Variants in LRMDA observed in about 807,000 individuals in gnomAD.
LRMDA encodes the protein leucine-rich melanocyte differentiation-associated protein.
Under a neutral mutation model 29.8 loss-of-function variants are expected in LRMDA, and 18 were observed. The ratio of observed to expected loss-of-function variants is 0.60; its 90% CI spans 0.42 to 0.90. The LOEUF is 0.90. LRMDA is among the 40% of genes least tolerant of loss of function. LRMDA has a pLI of 0.00. For missense variants in LRMDA, 273 were observed against 273.9 expected (o/e 1.00, Z 0.02); for synonymous variants, 125 against 109.4 (o/e 1.14, Z -0.89).
At chr10:75,551,119 G>T (rs1299724441) in intron 2 of LRMDA, among the ~76,000 whole-genome samples, 1 of 146,590 alleles carries the variant, frequency 6.8e-6, no homozygotes, top group African/African-American at 2.5e-5. Flanking sequence ...ATATTTTCTA[G>T]TTTAATCTAT....
intron 6 of LRMDA, among the ~76,000 whole-genome samples, chr10:76,432,838 G>A (rs556488304): frequency 6.2e-4 from 95 of 152,274 alleles, no homozygotes; most frequent in African/African-American, 2.0e-3. Context: ...CACGGGCCGA[G>A]GGCTCACCTC....
intron 5 of LRMDA, among the ~76,000 whole-genome samples, chr10:76,106,756 A>G (rs1849491956): frequency 6.6e-6 from 1 of 152,190 alleles, no homozygotes; most frequent in Non-Finnish European, 1.5e-5. Context: ...TCAGGTCTCT[A>G]TTACATCTTC....
chr10:76,062,136 G>A (rs531440185), intron 5 of LRMDA, among the ~76,000 whole-genome samples: 1 of 152,272 alleles, frequency 6.6e-6, no homozygotes, highest in African/African-American at 2.4e-5. Flanking sequence ...CTGCTGTGCT[G>A]AGCACACTCA....
intron 6 of LRMDA, among the ~76,000 whole-genome samples, chr10:76,408,724 C>T (rs1329597989): frequency 1.3e-5 from 2 of 152,132 alleles, no homozygotes; most frequent in African/African-American, 2.4e-5. Flanking sequence ...TCTTTCTCCT[C>T]CAAAGCCGCA....
chr10:75,962,897 T>C (rs1846793438), intron 2 of LRMDA, among the ~76,000 whole-genome samples: 1 of 152,224 alleles, frequency 6.6e-6, no homozygotes, highest in Non-Finnish European at 1.5e-5. Context: ...GCCAGCGAGA[T>C]GGCTTGGCCC....
chr10:76,065,144 G>T (rs925305021), intron 5 of LRMDA, among the ~76,000 whole-genome samples: 7 of 152,192 alleles, frequency 4.6e-5, no homozygotes, highest in Non-Finnish European at 1.0e-4. Flanking sequence ...CAGTTTGCAC[G>T]TTCATTTGAG....
At chr10:76,244,420 C>T (rs1214323107) in intron 5 of LRMDA, among the ~76,000 whole-genome samples, 1 of 152,188 alleles carries the variant, frequency 6.6e-6, no homozygotes, top group African/African-American at 2.4e-5. Context: ...TTCCATTCTT[C>T]AGGAGCTGTT....
At chr10:76,545,650 AT>A (rs1027291796) in intron 6 of LRMDA, among the ~76,000 whole-genome samples, 4 of 138,738 alleles carry the variant, frequency 2.9e-5, no homozygotes, top group African/African-American at 1.1e-4. Flanking sequence ...TATTATTATT[AT>A]TATTATTATT....
At chr10:75,905,077 AAGTTGTAAATTCTGGTAGCCTTC>A (rs1845736777) in intron 2 of LRMDA, among the ~76,000 whole-genome samples, 1 of 152,186 alleles carries the variant, frequency 6.6e-6, no homozygotes, top group Non-Finnish European at 1.5e-5. Flanking sequence ...ACAATTTCAC[AAGTTGTAAATTCTGGTAGCCTTC>A]AGTTGTAAAT....
chr10:76,071,631 C>G (rs1321315025), intron 5 of LRMDA, among the ~76,000 whole-genome samples: 3 of 152,208 alleles, frequency 2.0e-5, no homozygotes, highest in African/African-American at 4.8e-5. Flanking sequence ...TTTGCTTTCC[C>G]TCCCCTCTTC....
intron 6 of LRMDA, among the ~76,000 whole-genome samples, chr10:76,487,709 T>C (rs1842796265): frequency 6.6e-6 from 1 of 151,838 alleles, no homozygotes; most frequent in South Asian, 2.1e-4. Flanking sequence ...AAAGCTAACT[T>C]GGATTGAGCT....
chr10:75,738,768 T>C (rs1250213305), intron 2 of LRMDA, among the ~76,000 whole-genome samples: 1 of 152,184 alleles, frequency 6.6e-6, no homozygotes, highest in Non-Finnish European at 1.5e-5. Context: ...GGGAGCATTT[T>C]TGTCTGCATT....
intron 4 of LRMDA, among the ~76,000 whole-genome samples, chr10:76,052,610 G>A (rs754295625): frequency 5.3e-5 from 8 of 152,192 alleles, no homozygotes; most frequent in African/African-American, 1.2e-4. Flanking sequence ...TCCTCCTAGC[G>A]GTTTTAGCTC....
chr10:75,478,023 G>A (rs1453573855), intron 2 of LRMDA, among the ~76,000 whole-genome samples: 2 of 152,168 alleles, frequency 1.3e-5, no homozygotes, highest in African/African-American at 4.8e-5. Context: ...CGTGGCCCCC[G>A]AGGCACAGCC....
chr10:76,125,759 C>T (rs528465254), intron 5 of LRMDA, among the ~76,000 whole-genome samples: 1 of 152,274 alleles, frequency 6.6e-6, no homozygotes, highest in Non-Finnish European at 1.5e-5. Context: ...TTCAAGCAAG[C>T]CATCCCAAGA....
intron 2 of LRMDA, among the ~76,000 whole-genome samples, chr10:75,469,587 C>T (rs1400335813): frequency 5.3e-5 from 8 of 150,906 alleles, no homozygotes; most frequent in South Asian, 2.1e-4. Context: ...AGTGTATGTG[C>T]GTGTGTGTGT....
intron 2 of LRMDA, among the ~76,000 whole-genome samples, chr10:75,846,736 A>C (rs1197718097): frequency 6.6e-6 from 1 of 152,192 alleles, no homozygotes; most frequent in Non-Finnish European, 1.5e-5. Flanking sequence ...CCCACCACCA[A>C]CAAAAACCAA....
At chr10:75,881,164 T>C (rs1236865908) in intron 2 of LRMDA, among the ~76,000 whole-genome samples, 1 of 152,166 alleles carries the variant, frequency 6.6e-6, no homozygotes, top group Non-Finnish European at 1.5e-5. Context: ...TATGTATGGA[T>C]ACACATACAT....
intron 2 of LRMDA, among the ~76,000 whole-genome samples, chr10:75,509,118 G>T (rs1162017425): frequency 6.6e-6 from 1 of 152,106 alleles, no homozygotes; most frequent in Non-Finnish European, 1.5e-5. Flanking sequence ...ACTCGACCAG[G>T]TGTTTTAGGG....
Sources: allele counts gnomAD v4.1 joint callset (sites outside exome capture counted in the v4.1 genomes callset), GRCh38; gene constraint gnomAD v4.1.1; transcripts MANE v1.5; gene names NCBI Gene and HGNC (gene_info 2026-07-23, HGNC 2026-07-21).